Variants in NRG3 observed in about 807,000 individuals in gnomAD.
NRG3 encodes neuregulin 3, also known as pro-neuregulin-3, membrane-bound isoform.
NRG3 carries 31 observed loss-of-function variants against 66.9 expected under a neutral mutation model. The ratio of observed to expected loss-of-function variants is 0.46; its 90% CI spans 0.35 to 0.63. The LOEUF is 0.63. NRG3 is among the 20% of genes least tolerant of loss of function. The probability of loss-of-function intolerance (pLI) is 0.00; values close to 1 mark genes in which losing one functional copy is unlikely to be tolerated. For synonymous variants in NRG3, 393 were observed against 359.4 expected (o/e 1.09, Z -1.06); for missense variants, 910 against 878.9 (o/e 1.04, Z -0.45).
chr10:82,472,241 C>A (rs190188213), intron 2 of NRG3, among the ~76,000 whole-genome samples: 2 of 152,038 alleles, frequency 1.3e-5, no homozygotes, highest in African/African-American at 2.4e-5. Flanking sequence ...ACATTTTATT[C>A]GAAATAGGTT....
intron 1 of NRG3, among the ~76,000 whole-genome samples, chr10:82,163,470 T>C (rs2071767412): frequency 6.6e-6 from 1 of 152,158 alleles, no homozygotes; most frequent in Non-Finnish European, 1.5e-5. Flanking sequence ...TTGTAAATAT[T>C]TAGGCAATAT....
intron 4 of NRG3, among the ~76,000 whole-genome samples, chr10:82,940,389 A>G (rs1296258038): frequency 1.3e-5 from 2 of 152,086 alleles, no homozygotes; most frequent in African/African-American, 4.8e-5. Flanking sequence ...TTGTAGAATC[A>G]TTGCCCTAAT....
chr10:82,480,067 C>T (rs991017825), intron 2 of NRG3, among the ~76,000 whole-genome samples: 5 of 152,200 alleles, frequency 3.3e-5, no homozygotes, highest in Admixed American at 6.5e-5. Flanking sequence ...TTTTGAGGTT[C>T]ATCTGCTATG....
chr10:82,459,671 C>T (rs1448301861), intron 2 of NRG3, among the ~76,000 whole-genome samples: 1 of 152,164 alleles, frequency 6.6e-6, no homozygotes, highest in Admixed American at 6.5e-5. Flanking sequence ...CTGAGCCCTC[C>T]AACAGCATCC....
At chr10:82,200,869 C>G (rs1405309408) in intron 1 of NRG3, among the ~76,000 whole-genome samples, 1 of 152,040 alleles carries the variant, frequency 6.6e-6, no homozygotes, top group Non-Finnish European at 1.5e-5. Context: ...CAACTTCACA[C>G]TCAGCTACTC....
chr10:82,818,465 GA>G (rs946434434), intron 3 of NRG3, among the ~76,000 whole-genome samples: 20 of 151,990 alleles, frequency 1.3e-4, no homozygotes, highest in African/African-American at 4.6e-4. Flanking sequence ...TCTTATTTTA[GA>G]AAAAAGAAAG....
At chr10:82,250,244 T>A (rs964795698) in intron 1 of NRG3, among the ~76,000 whole-genome samples, 8 of 152,180 alleles carry the variant, frequency 5.3e-5, no homozygotes, top group African/African-American at 1.4e-4. Context: ...TATGGAAGGT[T>A]TTTAAAAATT....
intron 2 of NRG3, among the ~76,000 whole-genome samples, chr10:82,563,164 T>C (rs1178320368): frequency 1.3e-5 from 2 of 152,306 alleles, no homozygotes; most frequent in East Asian, 1.9e-4. Flanking sequence ...TTTAAAACTT[T>C]GATGAGATTA....
intron 1 of NRG3, among the ~76,000 whole-genome samples, chr10:82,059,446 C>T (rs1464768440): frequency 6.6e-6 from 1 of 152,026 alleles, no homozygotes; most frequent in African/African-American, 2.4e-5. Flanking sequence ...AAGGAGGTGA[C>T]TAAGCTTTTT....
At chr10:82,347,414 G>A (rs1041105125) in intron 1 of NRG3, among the ~76,000 whole-genome samples, 1 of 152,126 alleles carries the variant, frequency 6.6e-6, no homozygotes, top group Non-Finnish European at 1.5e-5. Context: ...TAGTTTGATT[G>A]CACTGTGGTC....
At chr10:81,964,674 C>T (rs2059663257) in intron 1 of NRG3, among the ~76,000 whole-genome samples, 2 of 152,134 alleles carry the variant, frequency 1.3e-5, no homozygotes, top group Admixed American at 1.3e-4. Context: ...GATACTACTG[C>T]CAGACTGTCT....
intron 1 of NRG3, among the ~76,000 whole-genome samples, chr10:82,178,997 T>C (rs764698453): frequency 6.6e-6 from 1 of 152,114 alleles, no homozygotes. Context: ...ATCAATGATA[T>C]TGAAAATCTT....
chr10:82,730,131 G>A (rs1179641101), intron 2 of NRG3, among the ~76,000 whole-genome samples: 1 of 147,656 alleles, frequency 6.8e-6, no homozygotes, highest in Non-Finnish European at 1.5e-5. Context: ...TGTCACCCAG[G>A]CTGGAGCGCA....
chr10:82,213,018 C>A (rs994366665), intron 1 of NRG3, among the ~76,000 whole-genome samples: 1 of 152,066 alleles, frequency 6.6e-6, no homozygotes, highest in African/African-American at 2.4e-5. Flanking sequence ...TTTCGGTTCC[C>A]AGGAACAAGA....
intron 1 of NRG3, among the ~76,000 whole-genome samples, chr10:82,220,340 A>G (rs1336295): frequency 0.045 from 6,826 of 152,230 alleles, 188 homozygotes; most frequent in Middle Eastern, 0.13. Flanking sequence ...AGGAAGGCCA[A>G]CTCAAATCCA....
chr10:82,456,523 G>T (rs937264599), intron 2 of NRG3, among the ~76,000 whole-genome samples: 9 of 151,960 alleles, frequency 5.9e-5, no homozygotes, highest in Admixed American at 2.0e-4. Context: ...CTCAGGGTCA[G>T]AATCATCAAT....
chr10:82,861,133 T>C (rs986663714), intron 3 of NRG3, among the ~76,000 whole-genome samples: 1 of 151,972 alleles, frequency 6.6e-6, no homozygotes, highest in Non-Finnish European at 1.5e-5. Context: ...GATGGAAGCA[T>C]GTATGTGTGT....
chr10:81,901,149 C>G (rs180805332), intron 1 of NRG3, among the ~76,000 whole-genome samples: 1 of 152,152 alleles, frequency 6.6e-6, no homozygotes. Context: ...ATAATGTGGA[C>G]TGTCTCACAT....
chr10:82,834,376 C>T (rs900085672), intron 3 of NRG3, among the ~76,000 whole-genome samples: 6 of 152,154 alleles, frequency 3.9e-5, no homozygotes, highest in African/African-American at 1.4e-4. Context: ...TTATCCTTGA[C>T]CTTTTTAGTT....
Sources: allele counts gnomAD v4.1 joint callset (sites outside exome capture counted in the v4.1 genomes callset), GRCh38; gene constraint gnomAD v4.1.1; transcripts MANE v1.5; gene names NCBI Gene and HGNC (gene_info 2026-07-23, HGNC 2026-07-21).